Variants in CELSR2 observed in about 807,000 individuals in gnomAD.
CELSR2 encodes the protein EGF-like protein 2.
In CELSR2, 81 loss-of-function variants were observed where a neutral mutation model predicts 251.6. That is an observed-to-expected ratio of 0.32 (90% confidence interval 0.27 to 0.39). The LOEUF (loss-of-function observed/expected upper bound fraction) is 0.39. CELSR2 is among the 10% of genes least tolerant of loss of function. The pLI, the probability that CELSR2 is intolerant of heterozygous loss-of-function variation, is 1.00. For missense variants in CELSR2, 3,365 were observed against 3,947.7 expected (o/e 0.85, Z 3.96); for synonymous variants, 1,721 against 1,670.5 (o/e 1.03, Z -0.74).
At chr1:109,260,973 T>G in intron 2 of CELSR2, 69 bp from the exon 3 acceptor site, 1 of 1,243,214 alleles carries the variant, frequency 8.0e-7, no homozygotes, top group Non-Finnish European at 1.2e-6. Flanking sequence ...TATCACTGGG[T>G]TGTGGGGGGT....
In CELSR2 at chr1:109,261,142, C is replaced by T. The variant is rs755645733; in HGVS notation, c.4059C>T (p.Cys1353=). 11 of 1,614,094 alleles carry T rather than the reference C, an allele frequency of 6.8e-6. No homozygotes were observed. Among genetic ancestry groups the T allele is most frequent in the South Asian group, 3.3e-5 (3 of 91,078 alleles). ...ACCTGCTGGTGGGCGGTTTCAAGTGCGATTGCCCATCTGGAGACTTCGAGA... is the reference window on the plus strand; with the variant it reads ...ACCTGCTGGTGGGCGGTTTCAAGTGTGATTGCCCATCTGGAGACTTCGAGA... ...CVNLLVGGFK[C]DCPSGDFEKP... Residue 1353 remains cysteine (C), a synonymous_variant, in exon 3 of 34, where the codon TGC becomes TGT. Coordinates refer to ENST00000271332, the MANE Select transcript of CELSR2 (RefSeq NM_001408.3). The surrounding 1 kb of genome is among the most constrained non-coding windows in gnomAD (Gnocchi z 4.8).
chr1:109,255,076 G>C (rs879653415), intron 1 of CELSR2, among the ~76,000 whole-genome samples: 4 of 152,160 alleles, frequency 2.6e-5, no homozygotes, highest in African/African-American at 9.7e-5. Flanking sequence ...GAGAAGGCTC[G>C]GGGCAACATC....
chr1:109,264,308 GGGCGGAATACCTGGGCCAGCC>G lies in CELSR2; in HGVS notation c.5238_5258del (p.Ile1747_Gly1753del). ...GTCTGCACCTGAGCAACATAACAGTGGGCGGAATACCTGGGCCAGCCGGCGGTGTGGCCCGTGGCTTTCGGG... is the reference window on the plus strand; with the variant it reads ...GTCTGCACCTGAGCAACATAACAGTGGGCGGTGTGGCCCGTGGCTTTCGGG... On this transcript the variant is annotated inframe_deletion, in exon 10 of 34. Transcript: ENST00000271332. 6.2e-7 allele frequency: 1 copy of G among 1,613,556 alleles called. No individual in the cohort carries two copies. The highest frequency in any genetic ancestry group is 8.5e-7 in the Non-Finnish European group (1 of 1,179,700).
At chr1:109,253,612 G>A (rs568378873) in intron 1 of CELSR2, among the ~76,000 whole-genome samples, 48 of 152,368 alleles carry the variant, frequency 3.2e-4, no homozygotes, top group African/African-American at 1.0e-3. Flanking sequence ...GGGCTGCTTC[G>A]GTTGGCTGCC....
rs1391083285 is a variant in CELSR2, at chr1:109,269,513, C to T, written c.6902C>T (p.Pro2301Leu). The T allele has an allele frequency of 1.2e-6, 2 of 1,614,130 alleles. No individual in the cohort carries two copies. The highest frequency in any genetic ancestry group is 1.7e-5 in the Admixed American group (1 of 60,018). The change falls in exon 21 of 34, where the codon CCC becomes CTC. Residue 2301 changes from proline (P) to leucine (L), a missense_variant. Physicochemically the swap from Pro to Leu is moderately conservative, Grantham distance 98. Coordinates refer to ENST00000271332, the MANE Select transcript of CELSR2 (RefSeq NM_001408.3). The surrounding 1 kb of genome is among the most constrained non-coding windows in gnomAD (Gnocchi z 6.4). ...CTTCTGCCCCGGGCCCTGGACAAAC[C>T]CGTCACGGTGCAGTTCCGCCTGCTG... is the stretch of plus-strand genomic sequence containing the variant. ...EELLPRALDKPVTVQFRLLET... is the reference protein window; with the variant it reads ...EELLPRALDKLVTVQFRLLET...
chr1:109,262,242 G>A (rs1453499108), intron 5 of CELSR2, 45 bp from the exon 6 acceptor site: 1 of 1,602,668 alleles, frequency 6.2e-7, no homozygotes, highest in Non-Finnish European at 8.5e-7. Context: ...AACCTAGTGG[G>A]CTCTGTACTC....
At position 109,272,672 on chromosome 1, in the gene CELSR2, C is replaced by A; in HGVS notation, c.8087C>A (p.Pro2696His). Residue 2696 changes from proline to histidine, a missense_variant, in exon 30 of 34, where the codon CCC becomes CAC. Pro to His is a moderately conservative substitution (Grantham distance 77, BLOSUM62 -2). Transcript: ENST00000271332. ...EESALNPGQGPPGLGDPGSLF... is the reference protein window; with the variant it reads ...EESALNPGQGHPGLGDPGSLF... ...TCCGCACTGAACCCTGGCCAAGGGC[C>A]CCCTGGCCTGGGGGATCCAGGCAGC... is the stretch of plus-strand genomic sequence containing the variant. 6.2e-7 allele frequency: 1 copy of A among 1,613,790 alleles called. No homozygotes were observed. The highest frequency in any genetic ancestry group is 8.5e-7 in the Non-Finnish European group (1 of 1,179,950).
chr1:109,262,256 GTCCCC>G, intron 5 of CELSR2, 26 bp from the exon 6 acceptor site: 1 of 1,609,468 alleles, frequency 6.2e-7, no homozygotes, highest in East Asian at 2.2e-5. Flanking sequence ...TGTACTCAGT[GTCCCC>G]CTTCTCTGCT....
At chr1:109,263,409 G>A (rs1656082544) in intron 8 of CELSR2, 142 bp downstream of exon 8, 4 of 1,409,970 alleles carry the variant, frequency 2.8e-6, no homozygotes. Context: ...CCCTGAAAGG[G>A]CAACACAGGA....
Position 109,273,678 on chromosome 1 carries a change from T to A in CELSR2, c.8744+8T>A. 1 of 518,670 alleles carries A rather than the reference T, an allele frequency of 1.9e-6. No homozygotes were observed. The highest frequency in any genetic ancestry group is 3.3e-6 in the Non-Finnish European group (1 of 301,284). 32.1% of individuals were successfully genotyped at this position (518,670 alleles called of 1,614,324 possible). ...GGACTCGTCAGGCTCCGAGTGAGTGTGGCCGGGTGGGCGGGACGGGGTGCA... is the reference window on the plus strand; with the variant it reads ...GGACTCGTCAGGCTCCGAGTGAGTGAGGCCGGGTGGGCGGGACGGGGTGCA... On this transcript the variant is annotated splice_region_variant and intron_variant, in intron 33 of 33. Transcript: ENST00000271332.
chr1:109,269,975 C>T lies in CELSR2; in HGVS notation c.7150C>T (p.Leu2384=), dbSNP rs773107550. Residue 2384 remains leucine (L), a synonymous_variant, in exon 23 of 34, where the codon CTA becomes TTA. Transcript: ENST00000271332. The surrounding 1 kb of genome is among the most constrained non-coding windows in gnomAD (Gnocchi z 6.4). ...LPLKTLTYVA[L]GVTLAALLLT... ...ACTGAAGACACTGACATACGTGGCTCTAGGTGTCACCTTGGCTGCCCTTCT... is the reference window on the plus strand; with the variant it reads ...ACTGAAGACACTGACATACGTGGCTTTAGGTGTCACCTTGGCTGCCCTTCT... 1.9e-6 allele frequency: 3 copies of T among 1,614,138 alleles called. No individual in the cohort carries two copies. The South Asian group carries it at 3.3e-5, about 18-fold the overall frequency.
rs1487049270 is a variant in CELSR2 at position 109,258,485 on chromosome 1, G to A, written c.3364G>A (p.Asp1122Asn). The A allele has an allele frequency of 6.2e-7, 1 of 1,604,644 alleles. No individual in the cohort carries two copies. Among genetic ancestry groups the A allele is most frequent in the South Asian group, 1.1e-5 (1 of 89,234 alleles). ...QCALRVTIIT[D>N]EMLTHSITLR... ...CGCGCTGCGTGTGACCATCATCACCGATGAGATGCTCACCCACAGCATCAC... is the reference window on the plus strand; with the variant it reads ...CGCGCTGCGTGTGACCATCATCACCAATGAGATGCTCACCCACAGCATCAC... Residue 1122 changes from aspartate to asparagine, a missense_variant, in exon 2 of 34, where the codon GAT becomes AAT. Physicochemically the swap from Asp to Asn is conservative, Grantham distance 23 (BLOSUM62 1). Transcript: ENST00000271332.
Position 109,264,967 on chromosome 1 carries a change from G to T in CELSR2, c.5564G>T (p.Cys1855Phe). The part of the protein sequence containing the change: ...RKPSAPHGYT[C>F]ECPPNYLGPY... ...CCCAGTGCCCCCCATGGCTATACCT[G>T]CGAGTGTCCCCCAAATTACCTTGGG... Residue 1855 changes from cysteine to phenylalanine, a missense_variant, in exon 12 of 34, where the codon TGC (cysteine) becomes TTC (phenylalanine). By Grantham distance (205) the Cys-to-Phe change is radical (BLOSUM62 -2). Transcript: ENST00000271332. 6.2e-7 allele frequency: 1 copy of T among 1,614,188 alleles called. No homozygotes were observed. Among genetic ancestry groups the T allele is most frequent in the Non-Finnish European group, 8.5e-7 (1 of 1,180,038 alleles).
Position 109,262,434 on chromosome 1 carries a change from G to A in CELSR2, c.4534G>A (p.Gly1512Ser). 1 of 1,613,894 alleles carries A rather than the reference G, an allele frequency of 6.2e-7. No individual in the cohort carries two copies. Among genetic ancestry groups the A allele is most frequent in the Non-Finnish European group, 8.5e-7 (1 of 1,180,010 alleles). ...CTGTGCTGCCCAGGGCACCCAGGGT[G>A]GCAGCAAGAAGTGAGCAGGGGAAAG... ...YSCAAQGTQG[G>S]SKKSLDLTGP... is the part of the protein sequence containing the mutation. Residue 1512 changes from glycine (G) to serine (S), a missense_variant, in exon 6 of 34, where the codon GGC (glycine) becomes AGC (serine). Coordinates refer to ENST00000271332, the MANE Select transcript of CELSR2 (RefSeq NM_001408.3).
At chr1:109,272,159 T>C in intron 28 of CELSR2, 119 bp from the exon 29 acceptor site, 1 of 1,338,256 alleles carries the variant, frequency 7.5e-7, no homozygotes, top group Non-Finnish European at 1.0e-6. Flanking sequence ...GGGCCCTCTC[T>C]TTCAGACCTG....
Position 109,253,062 on chromosome 1 carries a change from G to C in CELSR2, c.2983G>C (p.Val995Leu). Residue 995 changes from valine (V) to leucine (L), a missense_variant, in exon 1 of 34, where the codon GTC becomes CTC. By Grantham distance (32) the Val-to-Leu change is conservative. Around this residue, in one of 5 missense-constraint regions of CELSR2, gnomAD observed 505 missense variants for 660.0 expected, o/e 0.77. Transcript: ENST00000271332. ...CGAGGACCGGCCTGAGTACGTCCTGGTCATCCAGGCCACGTCAGCTCCTCT... is the reference window on the plus strand; with the variant it reads ...CGAGGACCGGCCTGAGTACGTCCTGCTCATCCAGGCCACGTCAGCTCCTCT... ...DYEDRPEYVL[V>L]IQATSAPLVS... is the part of the protein sequence containing the mutation. 6.2e-7 allele frequency: 1 copy of C among 1,613,626 alleles called. No homozygotes were observed. The highest frequency in any genetic ancestry group is 8.5e-7 in the Non-Finnish European group (1 of 1,180,014).
Position 109,258,588 on chromosome 1 carries a change from C to T in CELSR2, c.3467C>T (p.Thr1156Met), listed in dbSNP as rs770189997. The change falls in exon 2 of 34, where the codon ACG (threonine) becomes ATG (methionine). Residue 1156 changes from threonine (T) to methionine (M), a missense_variant. By Grantham distance (81) the Thr-to-Met change is moderately conservative. Coordinates refer to ENST00000271332, the MANE Select transcript of CELSR2 (RefSeq NM_001408.3). Reference sequence around the variant, plus strand: ...CTCTTCATCCAGGCGGTGGCCGCCACGCTGGCCACGCCACCGGACCACGTG... The same window carrying T: ...CTCTTCATCCAGGCGGTGGCCGCCATGCTGGCCACGCCACCGGACCACGTG... ...LGLFIQAVAA[T>M]LATPPDHVVV... 10 of 1,596,358 alleles carry T rather than the reference C, an allele frequency of 6.3e-6. No individual in the cohort carries two copies. Among genetic ancestry groups the T allele is most frequent in the East Asian group, 4.6e-5 (2 of 43,956 alleles).
In CELSR2 at chr1:109,269,728, T is replaced by A; in HGVS notation, c.7015T>A (p.Cys2339Ser). The change falls in exon 22 of 34, where the codon TGT becomes AGT. Residue 2339 changes from cysteine (C) to serine (S), a missense_variant. Physicochemically the swap from Cys to Ser is moderately radical, Grantham distance 112 (BLOSUM62 -1). Coordinates refer to ENST00000271332, the MANE Select transcript of CELSR2 (RefSeq NM_001408.3). The surrounding 1 kb of genome is among the most constrained non-coding windows in gnomAD (Gnocchi z 6.4). ...CACAGGTGGCTGGTCGGCCAGAGGCTGTGAAGTCGTCTTCCGCAATGAGAG... is the reference window on the plus strand; with the variant it reads ...CACAGGTGGCTGGTCGGCCAGAGGCAGTGAAGTCGTCTTCCGCAATGAGAG... ...SGTGGWSARG[C>S]EVVFRNESHV... 9 of 1,614,026 alleles carry A rather than the reference T, an allele frequency of 5.6e-6. No individual in the cohort carries two copies. Among genetic ancestry groups the A allele is most frequent in the Non-Finnish European group, 7.6e-6 (9 of 1,180,038 alleles).
chr1:109,272,026 G>C lies in CELSR2; in HGVS notation c.7927-252G>C, dbSNP rs2101281526. On this transcript the variant is annotated intron_variant, in intron 28 of 33. Coordinates refer to ENST00000271332, the MANE Select transcript of CELSR2 (RefSeq NM_001408.3). ...AGGTGCTCTCAGGAGACAATTTCTG[G>C]TCTCATCTTTTACAGAGCCATTATA... 2.0e-5 allele frequency among the ~76,000 whole-genome samples: 3 copies of C among 152,268 alleles called. No individual in the cohort carries two copies. The South Asian group carries it at 6.2e-4, about 32-fold the overall frequency.
Sources: gnomAD v4.1 joint callset for allele counts (sites outside exome capture counted in the v4.1 genomes callset) on GRCh38, gnomAD v4.1.1 for gene constraint, gnomAD v4.1.1 regional missense constraint, Gnocchi (gnomAD v3.1) non-coding constraint, MANE v1.5 for transcripts, NCBI Gene and HGNC (gene_info 2026-07-23, HGNC 2026-07-21) for gene names.